Variants in MFAP3L observed in about 807,000 individuals in gnomAD.
The protein encoded by MFAP3L is microfibrillar-associated protein 3-like.
MFAP3L carries 5 observed loss-of-function variants against 20.0 expected under a neutral mutation model. The ratio of observed to expected loss-of-function variants is 0.25; its 90% confidence interval spans 0.13 to 0.53. MFAP3L has a LOEUF of 0.53. MFAP3L is among the 20% of genes least tolerant of loss of function. MFAP3L has a pLI of 0.96. For synonymous variants in MFAP3L, 219 were observed against 213.0 expected, an observed-to-expected ratio of 1.03 and a Z score of -0.25; for missense variants, 409 against 527.5, an observed-to-expected ratio of 0.78 and a Z score of 2.20.
At chr4:170,010,822 C>A (rs567693167) in intron 1 of MFAP3L, among the ~76,000 whole-genome samples, 1 of 151,214 alleles carries the variant, frequency 6.6e-6, no homozygotes, top group South Asian at 2.1e-4. Context: ...GGGGTGGGTG[C>A]CCCTAACCCA....
chr4:170,019,391 T>A (rs903324171), intron 1 of MFAP3L, among the ~76,000 whole-genome samples: 58 of 151,828 alleles, frequency 3.8e-4, no homozygotes, highest in African/African-American at 1.4e-3. Context: ...TACAAAAAAA[T>A]TAATTAGCTG....
At chr4:170,007,367 G>C (rs970919523) in intron 1 of MFAP3L, among the ~76,000 whole-genome samples, 5 of 152,154 alleles carry the variant, frequency 3.3e-5, no homozygotes, top group African/African-American at 1.2e-4. Context: ...TTCCTTTGTG[G>C]TTGGAAAGCT....
At chr4:169,996,443 A>C (rs1312458356) in intron 2 of MFAP3L, among the ~76,000 whole-genome samples, 2 of 152,178 alleles carry the variant, frequency 1.3e-5, no homozygotes, top group East Asian at 3.9e-4. Context: ...TCCAGTTCCA[A>C]GAGAAAAACA....
chr4:169,994,433 A>G, intron 2 of MFAP3L: 3 of 984,822 alleles, frequency 3.0e-6, no homozygotes, highest in Non-Finnish European at 3.6e-6. Context: ...CCCAAACCTA[A>G]GTTACAACTT....
At chr4:170,024,076 A>G (rs1740200966) in intron 1 of MFAP3L, among the ~76,000 whole-genome samples, 2 of 152,322 alleles carry the variant, frequency 1.3e-5, no homozygotes, top group South Asian at 2.1e-4. Context: ...ACTACAAAAG[A>G]GAAGAAATGA....
At chr4:170,022,716 C>T (rs1267402524) in intron 1 of MFAP3L, among the ~76,000 whole-genome samples, 1 of 152,078 alleles carries the variant, frequency 6.6e-6, no homozygotes, top group African/African-American at 2.4e-5. Flanking sequence ...CAGAGTGATG[C>T]CCCAAGAGAA....
rs1467082512 is a variant in MFAP3L at position 170,005,974 on chromosome 4, T to C, written c.-97A>G. ...TTCACAGCAGGTCATGGGACAAACC[T>C]GTCCTGGGTCCATAGAGTTGGTACT... is the stretch of plus-strand genomic sequence containing the variant. On this transcript the variant is annotated 5_prime_UTR_variant, in exon 2 of 3. Coordinates refer to ENST00000361618, the MANE Select transcript of MFAP3L (RefSeq NM_021647.8). 1 of 1,481,488 alleles carries C rather than the reference T, an allele frequency of 6.7e-7. No individual in the cohort carries two copies. Among genetic ancestry groups the C allele is most frequent in the Non-Finnish European group, 9.0e-7 (1 of 1,116,128 alleles). The allele number at this position is 1,481,488 out of a possible 1,614,324, so 91.8% of individuals were successfully genotyped here.
intron 2 of MFAP3L, chr4:169,997,681 C>G: frequency 1.0e-6 from 1 of 982,200 alleles, no homozygotes; most frequent in Non-Finnish European, 1.2e-6. Context: ...TGGAAAGTGA[C>G]GGCTGCCTGG....
chr4:169,991,326 A>G lies in MFAP3L; in HGVS notation c.*52T>C. 1 of 1,554,876 alleles carries G rather than the reference A, an allele frequency of 6.4e-7. No individual in the cohort carries two copies. Among genetic ancestry groups the G allele is most frequent in the East Asian group, 2.2e-5 (1 of 44,458 alleles). ...GGCAAGTGCGTACTACATCTGTATT[A>G]CAAGGAGCAGCCCCTGATTTTCTTG... is the stretch of plus-strand genomic sequence containing the variant. On this transcript the variant is annotated 3_prime_UTR_variant, in exon 3 of 3. Transcript: ENST00000361618. This position sits in a 1 kb window ranked among gnomAD's most constrained non-coding sequence, Gnocchi z 4.9.
intron 2 of MFAP3L, among the ~76,000 whole-genome samples, chr4:169,996,859 C>A (rs1434502070): frequency 6.6e-6 from 1 of 152,194 alleles, no homozygotes; most frequent in Admixed American, 6.5e-5. Flanking sequence ...GGCCACAGGA[C>A]CTTCCCTCAT....
chr4:169,992,144 A>G lies in MFAP3L; in HGVS notation c.464T>C (p.Val155Ala). ...TSGDMGVYYM[V>A]VCLVAFTIVM... ...GATGGTGAAGGCCACCAGGCACACG[A>G]CCATGTAGTAGACACCCATGTCTCC... The change falls in exon 3 of 3, where the codon GTC (valine) becomes GCC (alanine). Residue 155 changes from valine (V) to alanine (A), a missense_variant. Val to Ala is a moderately conservative substitution (Grantham distance 64). Around this residue, in one of 3 missense-constraint regions of MFAP3L, gnomAD observed 127 missense variants for 218.1 expected, o/e 0.58. Coordinates refer to ENST00000361618, the MANE Select transcript of MFAP3L (RefSeq NM_021647.8). The surrounding 1 kb of genome is among the most constrained non-coding windows in gnomAD (Gnocchi z 4.3). 6.2e-7 allele frequency: 1 copy of G among 1,614,108 alleles called. No individual in the cohort carries two copies.
At chr4:170,022,365 G>C (rs1740089333) in intron 1 of MFAP3L, among the ~76,000 whole-genome samples, 1 of 152,134 alleles carries the variant, frequency 6.6e-6, no homozygotes. Context: ...GCATCGGTCT[G>C]TTCCATTTCA....
chr4:170,000,385 AAC>A (rs1475714508), intron 2 of MFAP3L, among the ~76,000 whole-genome samples: 1 of 152,214 alleles, frequency 6.6e-6, no homozygotes, highest in African/African-American at 2.4e-5. Flanking sequence ...TTCTTTACAA[AAC>A]ACACTATATT....
intron 1 of MFAP3L, among the ~76,000 whole-genome samples, chr4:170,009,205 A>G (rs1739225098): frequency 6.6e-6 from 1 of 151,974 alleles, no homozygotes; most frequent in Admixed American, 6.6e-5. Context: ...CAATATGGTG[A>G]AACCCCATCT....
intron 2 of MFAP3L, among the ~76,000 whole-genome samples, chr4:170,001,505 A>G (rs1244882668): frequency 1.3e-5 from 2 of 152,256 alleles, no homozygotes; most frequent in African/African-American, 2.4e-5. Flanking sequence ...AGACATGTTT[A>G]CAAGGGCTGA....
In MFAP3L at chr4:170,008,023, G is replaced by A. The variant is rs142280019; in HGVS notation, c.-133-2013C>T. ...AGGCTCTCCACATTTGGCTTTCTAC[G>A]TTCAAACACATTGTGCTAGCAGAGT... On this transcript the variant is annotated intron_variant, in intron 1 of 2. Coordinates refer to ENST00000361618, the MANE Select transcript of MFAP3L (RefSeq NM_021647.8). 3.2e-3 allele frequency among the ~76,000 whole-genome samples: 491 copies of A among 152,214 alleles called. 2 individuals are homozygous for A. Among genetic ancestry groups the A allele is most frequent in the African/African-American group, 0.011 (470 of 41,526 alleles).
intron 1 of MFAP3L, among the ~76,000 whole-genome samples, chr4:170,018,840 G>T (rs1275242435): frequency 6.6e-6 from 1 of 152,208 alleles, no homozygotes; most frequent in Non-Finnish European, 1.5e-5. Flanking sequence ...AGCAGAAATG[G>T]CAGGGAGTCA....
intron 1 of MFAP3L, among the ~76,000 whole-genome samples, chr4:170,007,795 AT>A (rs1300876410): frequency 6.6e-6 from 1 of 152,106 alleles, no homozygotes; most frequent in African/African-American, 2.4e-5. Context: ...TGGGTCACTC[AT>A]TATTGACTCC....
At chr4:170,018,281 C>T (rs1025995772) in intron 1 of MFAP3L, among the ~76,000 whole-genome samples, 2 of 152,086 alleles carry the variant, frequency 1.3e-5, no homozygotes, top group African/African-American at 2.4e-5. Context: ...AAACACGGCA[C>T]GCAAGTAATA....
Sources: allele counts gnomAD v4.1 joint callset (sites outside exome capture counted in the v4.1 genomes callset), GRCh38; gene constraint gnomAD v4.1.1; regional missense constraint gnomAD v4.1.1; non-coding constraint Gnocchi (gnomAD v3.1); transcripts MANE v1.5; gene names NCBI Gene and HGNC (gene_info 2026-07-23, HGNC 2026-07-21).